FBXL7: variants seen among roughly 807,000 people sequenced by gnomAD.
FBXL7 encodes F-box and leucine rich repeat protein 7, also known as F-box/LRR-repeat protein 7.
FBXL7 carries 12 observed loss-of-function variants against 38.3 expected under a neutral mutation model. The ratio of observed to expected loss-of-function variants is 0.31; its 90% CI spans 0.20 to 0.51. The LOEUF is 0.51. Among genes scored for constraint, FBXL7 ranks in the 20% least tolerant of loss-of-function variants. The pLI is 0.98. For missense variants in FBXL7, 567 were observed against 676.4 expected (o/e 0.84, Z 1.79); for synonymous variants, 297 against 300.9 (o/e 0.99, Z 0.13).
chr5:15,528,210 C>T (rs1039395808), intron 1 of FBXL7, among the ~76,000 whole-genome samples: 1 of 152,172 alleles, frequency 6.6e-6, no homozygotes, highest in Admixed American at 6.5e-5. Flanking sequence ...CTAAGATTAT[C>T]TACAGGGAAA....
At chr5:15,793,810 T>A (rs2126733765) in intron 2 of FBXL7, among the ~76,000 whole-genome samples, 1 of 152,150 alleles carries the variant, frequency 6.6e-6, no homozygotes, top group African/African-American at 2.4e-5. Context: ...GAATTTGATA[T>A]CTGCCCTGAT....
intron 2 of FBXL7, among the ~76,000 whole-genome samples, chr5:15,912,142 T>G (rs2126425764): frequency 1.8e-5 from 1 of 55,498 alleles, no homozygotes; most frequent in Non-Finnish European, 3.0e-5. Context: ...CGCCTTGCAG[T>G]TTGATCTCAG....
intron 2 of FBXL7, among the ~76,000 whole-genome samples, chr5:15,700,088 G>A (rs1043029576): frequency 3.3e-5 from 5 of 152,158 alleles, no homozygotes; most frequent in East Asian, 1.9e-4. Flanking sequence ...AGGTGTTGTC[G>A]ATGTTTGATT....
chr5:15,531,728 A>C (rs565657186), intron 1 of FBXL7, among the ~76,000 whole-genome samples: 64 of 152,342 alleles, frequency 4.2e-4, no homozygotes, highest in Non-Finnish European at 8.5e-4. Context: ...CTTTAATTAC[A>C]CATTCAGCTT....
chr5:15,762,557 T>C (rs989044863), intron 2 of FBXL7, among the ~76,000 whole-genome samples: 4 of 152,238 alleles, frequency 2.6e-5, no homozygotes, highest in Non-Finnish European at 5.9e-5. Flanking sequence ...ATTAGCTCTG[T>C]GACCTCGGGT....
In FBXL7 at chr5:15,582,561, G is replaced by A. The variant is rs148069838; in HGVS notation, c.38-33422G>A. Among the ~76,000 whole-genome samples, 416 of 152,290 alleles carry A rather than the reference G, an allele frequency of 2.7e-3. 4 individuals carry two copies. The highest frequency in any genetic ancestry group is 9.5e-3 in the African/African-American group (395 of 41,556). The stretch of plus-strand genomic sequence containing the variant: ...CCAATGAGAGCATCAGGACTTCCTC[G>A]AGATGTCAGTGACAGTTTACTTGAC... On this transcript the variant is annotated intron_variant, in intron 1 of 3. Transcript: ENST00000504595.
At chr5:15,617,552 C>T (rs914832358) in intron 2 of FBXL7, among the ~76,000 whole-genome samples, 4 of 152,064 alleles carry the variant, frequency 2.6e-5, no homozygotes, top group Admixed American at 2.6e-4. Context: ...ACCTCTGCCT[C>T]CCGGATTCAA....
Position 15,825,576 on chromosome 5 carries a change from T to G in FBXL7, c.128-102314T>G, listed in dbSNP as rs529521186. Among the ~76,000 whole-genome samples, 52 of 152,332 alleles carry G rather than the reference T, an allele frequency of 3.4e-4. 2 individuals are homozygous for G. The highest frequency in any genetic ancestry group is 1.2e-3 in the African/African-American group (48 of 41,580). On this transcript the variant is annotated intron_variant, in intron 2 of 3. Transcript: ENST00000504595. ...CCTGTGCGTTTGAATAAAGTAGACCTGTCATGTTTGTATCAGAAATACTAA... is the reference window on the plus strand; with the variant it reads ...CCTGTGCGTTTGAATAAAGTAGACCGGTCATGTTTGTATCAGAAATACTAA...
chr5:15,678,206 A>G (rs901157400), intron 2 of FBXL7, among the ~76,000 whole-genome samples: 3 of 152,208 alleles, frequency 2.0e-5, no homozygotes, highest in South Asian at 4.1e-4. Flanking sequence ...AAGCAAACAG[A>G]GAGAGAGGAA....
intron 2 of FBXL7, among the ~76,000 whole-genome samples, chr5:15,898,488 T>C (rs749502276): frequency 2.6e-5 from 4 of 152,188 alleles, no homozygotes; most frequent in Non-Finnish European, 4.4e-5. Context: ...ATATCCTGCC[T>C]ATCAGTCAGC....
chr5:15,566,781 G>A (rs13185365), intron 1 of FBXL7, among the ~76,000 whole-genome samples: 33,296 of 152,068 alleles, frequency 0.22, 3,731 homozygotes, highest in Non-Finnish European at 0.25. Context: ...GTGAAATGCA[G>A]GGTCCTACAT....
intron 2 of FBXL7, among the ~76,000 whole-genome samples, chr5:15,647,465 A>G (rs972787768): frequency 1.3e-5 from 2 of 152,190 alleles, no homozygotes; most frequent in African/African-American, 2.4e-5. Flanking sequence ...AGAAATCCAA[A>G]TAGACCACAG....
intron 3 of FBXL7, among the ~76,000 whole-genome samples, chr5:15,933,160 A>C (rs976772392): frequency 6.6e-6 from 1 of 152,226 alleles, no homozygotes; most frequent in African/African-American, 2.4e-5. Flanking sequence ...TTTCATCCCA[A>C]ACCTAGCAAA....
chr5:15,713,846 G>A (rs1276838063), intron 2 of FBXL7, among the ~76,000 whole-genome samples: 10 of 152,168 alleles, frequency 6.6e-5, no homozygotes, highest in Admixed American at 6.5e-4. Flanking sequence ...AAAGTTTGGT[G>A]GATGATAAAA....
At chr5:15,638,405 C>T (rs1348446709) in intron 2 of FBXL7, among the ~76,000 whole-genome samples, 1 of 152,218 alleles carries the variant, frequency 6.6e-6, no homozygotes, top group Non-Finnish European at 1.5e-5. Context: ...GGATCAGCAG[C>T]ATCCCATCCC....
chr5:15,801,664 C>CGT (rs748156616), intron 2 of FBXL7, among the ~76,000 whole-genome samples: 1 of 145,224 alleles, frequency 6.9e-6, no homozygotes, highest in Admixed American at 6.7e-5. Context: ...TGTGCGCGCG[C>CGT]GCGTGTGTGT....
At chr5:15,562,324 A>G (rs1198007437) in intron 1 of FBXL7, among the ~76,000 whole-genome samples, 1 of 152,174 alleles carries the variant, frequency 6.6e-6, no homozygotes, top group Non-Finnish European at 1.5e-5. Flanking sequence ...AGGAGAAGAC[A>G]GCCAATGGAA....
At chr5:15,854,155 G>A (rs1739184804) in intron 2 of FBXL7, among the ~76,000 whole-genome samples, 2 of 152,260 alleles carry the variant, frequency 1.3e-5, no homozygotes, top group African/African-American at 4.8e-5. Context: ...AGAGGCAGAG[G>A]AGCTGTGAAA....
chr5:15,818,654 A>G (rs1488842844), intron 2 of FBXL7, among the ~76,000 whole-genome samples: 1 of 150,996 alleles, frequency 6.6e-6, no homozygotes, highest in Non-Finnish European at 1.5e-5. Flanking sequence ...ATAAAATTTT[A>G]TGGGACTTAA....
Sources: allele counts gnomAD v4.1 joint callset (sites outside exome capture counted in the v4.1 genomes callset), GRCh38; gene constraint gnomAD v4.1.1; transcripts MANE v1.5; gene names NCBI Gene and HGNC (gene_info 2026-07-23, HGNC 2026-07-21).